Variants in TMIGD3 observed in about 807,000 individuals in gnomAD.
TMIGD3 encodes the protein AD026 protein (AD026).
TMIGD3 carries 21 observed loss-of-function variants against 28.1 expected under a neutral mutation model. That is an observed-to-expected ratio of 0.75 (90% CI 0.53 to 1.08). The LOEUF is 1.08. Among genes scored for constraint, TMIGD3 ranks in the 50% least tolerant of loss-of-function variants. TMIGD3 has a pLI of 0.00. For missense variants in TMIGD3, 416 were observed against 435.6 expected (o/e 0.96, Z 0.40); for synonymous variants, 151 against 162.1 (o/e 0.93, Z 0.52).
At chr1:111,527,942 G>T (rs1571437872) in intron 1 of TMIGD3, among the ~76,000 whole-genome samples, 1 of 152,078 alleles carries the variant, frequency 6.6e-6, no homozygotes, top group African/African-American at 2.4e-5. Flanking sequence ...TTATCTTTCA[G>T]TCTGTGGCTT....
At chr1:111,505,990 C>T (rs114084180), upstream of TMIGD3, among the ~76,000 whole-genome samples, 1,361 of 152,210 alleles carry the variant, frequency 8.9e-3, 17 homozygotes, top group African/African-American at 0.031. Context: ...TCTTTCACTT[C>T]CTCTCCCCTG....
intron 1 of TMIGD3, among the ~76,000 whole-genome samples, chr1:111,526,031 T>C (rs543301806): frequency 2.1e-4 from 32 of 152,336 alleles, no homozygotes; most frequent in Middle Eastern, 3.4e-3. Flanking sequence ...TTCTATTCCA[T>C]CTGTTCTTGG....
intron 3 of TMIGD3, among the ~76,000 whole-genome samples, chr1:111,487,713 C>A (rs1236294025): frequency 6.6e-6 from 1 of 152,218 alleles, no homozygotes; most frequent in East Asian, 1.9e-4. Flanking sequence ...TCCACCCACA[C>A]CTTCCCTGTG....
chr1:111,491,101 G>A (rs1449249741), intron 1 of TMIGD3, among the ~76,000 whole-genome samples: 1 of 152,220 alleles, frequency 6.6e-6, no homozygotes, highest in Non-Finnish European at 1.5e-5. Flanking sequence ...CACTCCTTTT[G>A]TCTGTCTACC....
intron 1 of TMIGD3, among the ~76,000 whole-genome samples, chr1:111,525,679 A>G (rs796365320): frequency 1.8e-4 from 28 of 152,320 alleles, no homozygotes; most frequent in African/African-American, 6.3e-4. Flanking sequence ...CCTGGCCAAC[A>G]TAGTGAAACC....
chr1:111,503,966 G>A (rs1655384826), upstream of TMIGD3: 2 of 985,322 alleles, frequency 2.0e-6, no homozygotes, highest in Admixed American at 1.2e-4. Context: ...TTAGCAAAAA[G>A]ATCTCATGAT....
chr1:111,536,646 T>G (rs1176310287), intron 1 of TMIGD3, among the ~76,000 whole-genome samples: 2 of 152,224 alleles, frequency 1.3e-5, no homozygotes, highest in African/African-American at 2.4e-5. Context: ...CCATTTTTTT[T>G]GTCATTTATG....
intron 1 of TMIGD3, chr1:111,542,260 G>GC: frequency 1.6e-6 from 1 of 607,910 alleles, no homozygotes; most frequent in South Asian, 1.4e-5. Flanking sequence ...ACATATTGAG[G>GC]CCGTATTTCA....
At chr1:111,560,577 C>A (rs760065772) in intron 1 of TMIGD3, among the ~76,000 whole-genome samples, 5 of 151,824 alleles carry the variant, frequency 3.3e-5, no homozygotes, top group Non-Finnish European at 7.4e-5. Flanking sequence ...CAGCCTCAAA[C>A]TCCTGGGCTC....
chr1:111,524,027 T>TC (rs1182685900), intron 1 of TMIGD3, among the ~76,000 whole-genome samples: 5 of 123,812 alleles, frequency 4.0e-5, no homozygotes, highest in Non-Finnish European at 8.6e-5. Context: ...TTCTTTCTTT[T>TC]CTTTTTTTTT....
intron 1 of TMIGD3, among the ~76,000 whole-genome samples, chr1:111,552,067 G>C (rs1327298914): frequency 1.3e-5 from 2 of 152,208 alleles, no homozygotes; most frequent in East Asian, 3.8e-4. Context: ...TGCCCCAACT[G>C]TTATCCATTG....
chr1:111,491,701 C>T (rs996671920), intron 1 of TMIGD3, among the ~76,000 whole-genome samples: 1 of 151,976 alleles, frequency 6.6e-6, no homozygotes, highest in Non-Finnish European at 1.5e-5. Context: ...AAACAAATTA[C>T]ATGAATAAAA....
At chr1:111,554,917 A>G (rs1449295148) in intron 1 of TMIGD3, among the ~76,000 whole-genome samples, 1 of 152,230 alleles carries the variant, frequency 6.6e-6, no homozygotes. Flanking sequence ...TTCCCTGAGT[A>G]AGGGACAGCA....
At chr1:111,559,216 T>C (rs543278261) in intron 1 of TMIGD3, among the ~76,000 whole-genome samples, 2 of 152,274 alleles carry the variant, frequency 1.3e-5, no homozygotes, top group Non-Finnish European at 2.9e-5. Context: ...CTTAATTGCC[T>C]ATATGAGCAA....
At position 111,485,852 on chromosome 1, in the gene TMIGD3, C is replaced by T; in HGVS notation, c.873-12G>A. ...TGAGAATGGACGTCCTAGAAGGAACCACAGCAGATTTCATGTTGCTTGGAA... is the reference window on the plus strand; with the variant it reads ...TGAGAATGGACGTCCTAGAAGGAACTACAGCAGATTTCATGTTGCTTGGAA... On this transcript the variant is annotated splice_polypyrimidine_tract_variant and intron_variant, in intron 4 of 5. Coordinates refer to ENST00000369716, the MANE Select transcript of TMIGD3 (RefSeq NM_020683.7). 1 of 1,592,338 alleles carries T rather than the reference C, an allele frequency of 6.3e-7. No homozygotes were observed. The highest frequency in any genetic ancestry group is 8.6e-7 in the Non-Finnish European group (1 of 1,166,926).
At chr1:111,529,375 TC>T (rs1237151156) in intron 1 of TMIGD3, among the ~76,000 whole-genome samples, 887 of 80,396 alleles carry the variant, frequency 0.011, 9 homozygotes, top group African/African-American at 0.027. Context: ...TTTCTTTCTT[TC>T]TTTTTTTTTT....
In TMIGD3 at chr1:111,483,597, T is replaced by C. The variant is rs1477081299; in HGVS notation, c.*90A>G. ...AGGGTCCTTCAGAATTCCTGGGAGA[T>C]CAGAATCAGTCTCTGAGGTGTGGGC... On this transcript the variant is annotated 3_prime_UTR_variant, in exon 6 of 6. Transcript: ENST00000369716. The C allele has an allele frequency of 4.6e-6, 5 of 1,086,596 alleles. 1 individual carries two copies. The highest frequency in any genetic ancestry group is 4.2e-6 in the Non-Finnish European group (3 of 718,888). The allele number at this position is 1,086,596 out of a possible 1,614,324, so 67.3% of individuals were successfully genotyped here. A position where few individuals can be genotyped will look rare whatever the true frequency, so the allele number is the denominator to read the frequency against.
chr1:111,534,619 A>G (rs907284895), intron 1 of TMIGD3, among the ~76,000 whole-genome samples: 1 of 152,138 alleles, frequency 6.6e-6, no homozygotes, highest in Non-Finnish European at 1.5e-5. Flanking sequence ...GCCCCTTCCC[A>G]TGACCTGAAG....
At chr1:111,510,534 T>C (rs990296714) in intron 1 of TMIGD3, among the ~76,000 whole-genome samples, 2 of 152,140 alleles carry the variant, frequency 1.3e-5, no homozygotes, top group African/African-American at 4.8e-5. Flanking sequence ...TCCCATTCAT[T>C]TGTGTGTGAG....
Sources: gnomAD v4.1 joint callset for allele counts (sites outside exome capture counted in the v4.1 genomes callset) on GRCh38, gnomAD v4.1.1 for gene constraint, MANE v1.5 for transcripts, NCBI Gene and HGNC (gene_info 2026-07-23, HGNC 2026-07-21) for gene names.